Variants in TMTC4 observed in about 807,000 individuals in gnomAD.
The protein encoded by TMTC4 is protein O-mannosyl-transferase TMTC4.
TMTC4 carries 65 observed loss-of-function variants against 86.0 expected under a neutral mutation model. The ratio of observed to expected loss-of-function variants is 0.76; its 90% CI spans 0.62 to 0.93. TMTC4 has a LOEUF of 0.93. Among genes scored for constraint, TMTC4 ranks in the 40% least tolerant of loss-of-function variants. The pLI is 0.00. For synonymous variants in TMTC4, 379 were observed against 382.5 expected (o/e 0.99, Z 0.11); for missense variants, 866 against 948.1 (o/e 0.91, Z 1.14).
intron 15 of TMTC4, among the ~76,000 whole-genome samples, chr13:100,616,141 G>A (rs1344437019): frequency 2.0e-5 from 3 of 152,006 alleles, no homozygotes; most frequent in Non-Finnish European, 2.9e-5. Context: ...TACAGCGGAT[G>A]GGCACCTAGG....
intron 12 of TMTC4, among the ~76,000 whole-genome samples, chr13:100,628,933 G>A (rs1880941535): frequency 1.3e-5 from 2 of 152,164 alleles, no homozygotes; most frequent in Admixed American, 1.3e-4. Flanking sequence ...TAGATCACCT[G>A]AGGTCAGGAG....
chr13:100,631,020 A>C (rs1414879596), intron 12 of TMTC4, among the ~76,000 whole-genome samples: 1 of 152,244 alleles, frequency 6.6e-6, no homozygotes, highest in African/African-American at 2.4e-5. Flanking sequence ...AAAACAAAAC[A>C]AAACAGAACA....
intron 8 of TMTC4, 88 bp from the exon 9 acceptor site, chr13:100,637,790 T>C: frequency 1.3e-6 from 2 of 1,563,054 alleles, no homozygotes; most frequent in South Asian, 1.2e-5. Context: ...CAATTCTGCC[T>C]GAACTGCTTC....
chr13:100,674,777 TC>T lies in TMTC4; in HGVS notation c.-242del. ...AGCCTGAGCCCCGGCCGCATCTCCC[TC>T]CCGGGTGCGGAAACTCTGGCGGCTC... is the stretch of plus-strand genomic sequence containing the variant. On this transcript the variant is annotated 5_prime_UTR_variant, in exon 1 of 19. Coordinates refer to ENST00000342624, the MANE Select transcript of TMTC4 (RefSeq NM_032813.5). 1.0e-6 allele frequency: 1 copy of T among 983,420 alleles called. No individual in the cohort carries two copies. The allele number at this position is 983,420 out of a possible 1,614,324, so 60.9% of individuals were successfully genotyped here.
rs17579043 is a variant in TMTC4, at chr13:100,638,404, G to C, written c.742-382C>G. 1,033 of 160,314 alleles carry C rather than the reference G, an allele frequency of 6.4e-3. 11 individuals carry two copies. Among genetic ancestry groups the C allele is most frequent in the Non-Finnish European group, 9.0e-3 (666 of 73,680 alleles). The allele number at this position is 160,314 out of a possible 1,614,324, so 9.9% of individuals were successfully genotyped here. ...ATGCAACAGAGTGTTTTCCTGGGCA[G>C]TAATCATACTGGAAGATAAAGGCAG... On this transcript the variant is annotated intron_variant, in intron 7 of 18. Transcript: ENST00000342624.
intron 5 of TMTC4, 44 bp downstream of exon 5, chr13:100,662,920 C>A: frequency 1.2e-6 from 2 of 1,603,618 alleles, no homozygotes; most frequent in South Asian, 1.1e-5. Context: ...GGTGTCATAT[C>A]GCTTCTCACG....
chr13:100,632,053 A>ACACACACACACACACTCT lies in TMTC4; in HGVS notation c.1506+2751_1506+2752insAGAGTGTGTGTGTGTGTG, dbSNP rs1296569630. Among the ~76,000 whole-genome samples the ACACACACACACACACTCT allele has an allele frequency of 4.5e-3, 194 of 43,062 alleles. 1 individual carries two copies. The highest frequency in any genetic ancestry group is 0.015 in the African/African-American group (178 of 11,760). 28.3% of individuals were successfully genotyped at this position (43,062 alleles called of 152,430 possible). Reference sequence around the variant, plus strand: ...CACACACACACACACACACACACACACTCTCTCTCTCTCTCTCTCTCTCTC... The same window carrying ACACACACACACACACTCT: ...CACACACACACACACACACACACACACACACACACACACACTCTCTCTCTCTCTCTCTCTCTCTCTCTC... On this transcript the variant is annotated intron_variant, in intron 12 of 18. Transcript: ENST00000342624.
intron 5 of TMTC4, among the ~76,000 whole-genome samples, chr13:100,659,125 G>A (rs965780376): frequency 9.2e-5 from 14 of 152,030 alleles, no homozygotes; most frequent in Non-Finnish European, 8.8e-5. Flanking sequence ...TAAAGCAGGC[G>A]GCACCATTGT....
At chr13:100,626,244 G>A in intron 12 of TMTC4, 94 bp from the exon 13 acceptor site, 4 of 1,334,792 alleles carry the variant, frequency 3.0e-6, no homozygotes, top group South Asian at 2.4e-5. Context: ...AAAAGGTAAA[G>A]CGACGAGGAA....
intron 6 of TMTC4, among the ~76,000 whole-genome samples, chr13:100,650,942 T>C (rs1184543224): frequency 1.3e-5 from 2 of 152,242 alleles, no homozygotes; most frequent in African/African-American, 4.8e-5. Flanking sequence ...CCCATTTTAG[T>C]GCCTGAACTA....
At chr13:100,674,531 T>G in intron 1 of TMTC4, 6 of 979,812 alleles carry the variant, frequency 6.1e-6, no homozygotes, top group Non-Finnish European at 6.0e-6. Flanking sequence ...CTTTGTCCCA[T>G]GTGCGGCTCA....
In TMTC4 at chr13:100,642,264, T is replaced by C. The variant is rs752661087; in HGVS notation, c.688A>G (p.Ile230Val). The C allele has an allele frequency of 6.2e-7, 1 of 1,614,206 alleles. No homozygotes were observed. Among genetic ancestry groups the C allele is most frequent in the East Asian group, 2.2e-5 (1 of 44,878 alleles). ...HSSTFWVLLS[I>V]FLGAVAMLCK... ...AGCATGGCCACTGCTCCCAGAAAGATACTCAGCAGCACCCAGAAGGTGGAA... is the reference window on the plus strand; with the variant it reads ...AGCATGGCCACTGCTCCCAGAAAGACACTCAGCAGCACCCAGAAGGTGGAA... Residue 230 changes from isoleucine (I) to valine (V), a missense_variant, in exon 7 of 19, where the codon ATC becomes GTC. Physicochemically the swap from Ile to Val is conservative, Grantham distance 29. Coordinates refer to ENST00000342624, the MANE Select transcript of TMTC4 (RefSeq NM_032813.5).
intron 12 of TMTC4, among the ~76,000 whole-genome samples, chr13:100,630,507 G>A (rs887537926): frequency 3.9e-5 from 6 of 152,268 alleles, no homozygotes; most frequent in Non-Finnish European, 7.4e-5. Flanking sequence ...TCGCTGAAGT[G>A]TGTGTTGAGA....
chr13:100,664,136 T>G, intron 4 of TMTC4, 85 bp downstream of exon 4: 14 of 1,224,012 alleles, frequency 1.1e-5, no homozygotes, highest in Non-Finnish European at 1.6e-5. Context: ...TCCTGAATGC[T>G]GAGAACCTGG....
chr13:100,606,626 G>A (rs1428354304), intron 17 of TMTC4, among the ~76,000 whole-genome samples, 199 bp from the exon 18 acceptor site: 1 of 152,180 alleles, frequency 6.6e-6, no homozygotes, highest in African/African-American at 2.4e-5. Flanking sequence ...AGGGAGTGGT[G>A]GCCGCAGAGA....
Position 100,605,473 on chromosome 13 carries a change from T to C in TMTC4, c.2135-331A>G, listed in dbSNP as rs1752389622. On this transcript the variant is annotated intron_variant, in intron 18 of 18. Transcript: ENST00000342624. This position sits in a 1 kb window ranked among gnomAD's most constrained non-coding sequence, Gnocchi z 4.3. ...AATTTCCAGGAAGCAAGGCTGGGTA[T>C]GGGAGGTGGGGGTGATGGATGCTAG... 6.6e-6 allele frequency among the ~76,000 whole-genome samples: 1 copy of C among 152,098 alleles called. No homozygotes were observed. Among genetic ancestry groups the C allele is most frequent in the South Asian group, 2.1e-4 (1 of 4,820 alleles).
chr13:100,618,794 A>G (rs1458080850), intron 15 of TMTC4, among the ~76,000 whole-genome samples: 1 of 152,224 alleles, frequency 6.6e-6, no homozygotes, highest in Admixed American at 6.5e-5. Flanking sequence ...TTCAGAGAGC[A>G]CAGGGTTGGG....
At chr13:100,610,272 C>T (rs1269439869) in intron 17 of TMTC4, among the ~76,000 whole-genome samples, 1 of 152,226 alleles carries the variant, frequency 6.6e-6, no homozygotes, top group African/African-American at 2.4e-5. Context: ...TCTGGGACAT[C>T]CTGCCCAGTG....
At chr13:100,674,208 G>A in intron 1 of TMTC4, 2 of 981,920 alleles carry the variant, frequency 2.0e-6, no homozygotes, top group Non-Finnish European at 1.2e-6. Context: ...GCGCCGCTCC[G>A]CTCCGCAGCC....
Sources: allele counts gnomAD v4.1 joint callset (sites outside exome capture counted in the v4.1 genomes callset), GRCh38; gene constraint gnomAD v4.1.1; non-coding constraint Gnocchi (gnomAD v3.1); transcripts MANE v1.5; gene names NCBI Gene and HGNC (gene_info 2026-07-23, HGNC 2026-07-21).